SULF1: variants seen among roughly 807,000 people sequenced by gnomAD.
SULF1 encodes extracellular sulfatase Sulf-1.
SULF1 carries 46 observed loss-of-function variants against 110.5 expected under a neutral mutation model. The ratio of observed to expected loss-of-function variants is 0.42; its 90% CI spans 0.33 to 0.53. SULF1 has a LOEUF of 0.53. SULF1 is among the 20% of genes least tolerant of loss of function. The pLI is 0.12. For missense variants in SULF1, 941 were observed against 1,094.2 expected (o/e 0.86, Z 1.98); for synonymous variants, 371 against 387.1 (o/e 0.96, Z 0.49).
At chr8:69,544,885 G>A (rs1359342789) in intron 3 of SULF1, among the ~76,000 whole-genome samples, 2 of 151,928 alleles carry the variant, frequency 1.3e-5, no homozygotes, top group Non-Finnish European at 2.9e-5. Flanking sequence ...TTCTTCTTTT[G>A]GATATAAAAT....
chr8:69,582,468 A>G (rs1471193181), intron 6 of SULF1, among the ~76,000 whole-genome samples: 1 of 152,170 alleles, frequency 6.6e-6, no homozygotes, highest in African/African-American at 2.4e-5. Context: ...CACTGTTTTC[A>G]GCGCTTTACA....
chr8:69,524,999 T>G (rs1406645448), intron 3 of SULF1, among the ~76,000 whole-genome samples: 1 of 152,232 alleles, frequency 6.6e-6, no homozygotes, highest in Non-Finnish European at 1.5e-5. Flanking sequence ...CTGGCTTTAT[T>G]ACCCTTTTAT....
intron 1 of SULF1, among the ~76,000 whole-genome samples, chr8:69,475,443 G>A (rs907158518): frequency 6.6e-6 from 1 of 151,972 alleles, no homozygotes; most frequent in East Asian, 1.9e-4. Context: ...TATTCCCATC[G>A]ACGCAGTGGG....
intron 5 of SULF1, among the ~76,000 whole-genome samples, chr8:69,564,615 G>C (rs1364180488): frequency 6.6e-6 from 1 of 152,188 alleles, no homozygotes; most frequent in Non-Finnish European, 1.5e-5. Context: ...GTAATTCAAA[G>C]TTGCAGTGTT....
chr8:69,566,009 A>G (rs999512009), intron 5 of SULF1, among the ~76,000 whole-genome samples: 6 of 151,996 alleles, frequency 3.9e-5, no homozygotes, highest in East Asian at 1.9e-4. Context: ...GTGTTCCCAA[A>G]ACAAAACCAC....
At chr8:69,539,263 A>T (rs1813694931) in intron 3 of SULF1, among the ~76,000 whole-genome samples, 1 of 152,212 alleles carries the variant, frequency 6.6e-6, no homozygotes, top group African/African-American at 2.4e-5. Context: ...TTGGACTTCC[A>T]CAACTTTTTA....
At chr8:69,544,557 A>G (rs1360056844) in intron 3 of SULF1, among the ~76,000 whole-genome samples, 2 of 152,182 alleles carry the variant, frequency 1.3e-5, no homozygotes, top group Non-Finnish European at 2.9e-5. Flanking sequence ...GTGAGCCACC[A>G]CACCTGGCCC....
chr8:69,530,082 A>G (rs918771721), intron 3 of SULF1, among the ~76,000 whole-genome samples: 1 of 152,220 alleles, frequency 6.6e-6, no homozygotes, highest in Non-Finnish European at 1.5e-5. Flanking sequence ...TAAATGCAGT[A>G]AATGCATTCA....
chr8:69,584,814 G>A (rs1238459967), intron 6 of SULF1, among the ~76,000 whole-genome samples: 2 of 152,142 alleles, frequency 1.3e-5, no homozygotes, highest in African/African-American at 4.8e-5. Context: ...ACCATCGTAG[G>A]TCAGGGACCA....
chr8:69,608,083 C>T (rs1267047083), intron 13 of SULF1, among the ~76,000 whole-genome samples: 2 of 152,124 alleles, frequency 1.3e-5, no homozygotes, highest in Non-Finnish European at 2.9e-5. Flanking sequence ...TTGGTGGAGT[C>T]AATGTGGGTG....
rs74509396 is a variant in SULF1, at chr8:69,631,765, G to A, written c.2284+2086G>A. 1.5e-3 allele frequency among the ~76,000 whole-genome samples: 225 copies of A among 152,268 alleles called. 6 individuals are homozygous for A. The East Asian group carries it at 0.039, about 26-fold the overall frequency. On this transcript the variant is annotated intron_variant, in intron 19 of 22. Transcript: ENST00000402687. ...CTGGAAGGCTCTTGCCCACAGCCCC[G>A]TGCCCAGAAAACACTACTCACCCTT...
At chr8:69,620,554 G>T (rs1467781659) in intron 13 of SULF1, among the ~76,000 whole-genome samples, 2 of 152,166 alleles carry the variant, frequency 1.3e-5, no homozygotes, top group East Asian at 3.9e-4. Context: ...CCCATGATGG[G>T]CTCCAATTAA....
chr8:69,576,717 A>C (rs1201501715), intron 6 of SULF1, among the ~76,000 whole-genome samples: 1 of 152,208 alleles, frequency 6.6e-6, no homozygotes, highest in Non-Finnish European at 1.5e-5. Context: ...ATTAGCCCCA[A>C]GGCCCTATCC....
At chr8:69,589,637 C>T (rs929424203) in intron 8 of SULF1, among the ~76,000 whole-genome samples, 4 of 151,992 alleles carry the variant, frequency 2.6e-5, no homozygotes, top group African/African-American at 9.7e-5. Context: ...CCCAAGAGGG[C>T]TTCTCAGGTC....
chr8:69,520,369 G>T (rs1812215053), intron 3 of SULF1, among the ~76,000 whole-genome samples: 1 of 151,908 alleles, frequency 6.6e-6, no homozygotes, highest in South Asian at 2.1e-4. Flanking sequence ...AACTCTGTTG[G>T]TTCATTCTTC....
At chr8:69,607,016 G>T (rs770837240) in intron 13 of SULF1, among the ~76,000 whole-genome samples, 3 of 152,222 alleles carry the variant, frequency 2.0e-5, no homozygotes, top group African/African-American at 4.8e-5. Context: ...ATTTCAGATT[G>T]TCTCTAGCTT....
intron 5 of SULF1, among the ~76,000 whole-genome samples, chr8:69,566,317 A>C (rs1815880683): frequency 6.6e-6 from 1 of 152,204 alleles, no homozygotes; most frequent in South Asian, 2.1e-4. Flanking sequence ...TGTCTTTAAA[A>C]TATATTAAGA....
intron 3 of SULF1, among the ~76,000 whole-genome samples, chr8:69,545,081 A>T (rs954624868): frequency 5.0e-5 from 5 of 100,518 alleles, no homozygotes; most frequent in African/African-American, 1.6e-4. Flanking sequence ...AAGATAAAGG[A>T]ATTCTTTTTT....
intron 3 of SULF1, among the ~76,000 whole-genome samples, chr8:69,516,767 T>C (rs1231875844): frequency 6.6e-6 from 1 of 152,198 alleles, no homozygotes; most frequent in Non-Finnish European, 1.5e-5. Context: ...ATGTTAAGGA[T>C]GATAATTTGT....
Sources: gnomAD v4.1 joint callset for allele counts (sites outside exome capture counted in the v4.1 genomes callset) on GRCh38, gnomAD v4.1.1 for gene constraint, MANE v1.5 for transcripts, NCBI Gene and HGNC (gene_info 2026-07-23, HGNC 2026-07-21) for gene names.